The following EPHA6 variants were observed in gnomAD, a reference collection of about 807,000 sequenced individuals.
EPHA6 encodes the protein EPH receptor A6.
Under a neutral mutation model 112.0 loss-of-function variants are expected in EPHA6, and 50 were observed. The observed-to-expected ratio is 0.45, with a 90% CI of 0.36 to 0.56. The LOEUF (loss-of-function observed/expected upper bound fraction) is 0.56, where lower values mean the gene tolerates loss of function less well. EPHA6 is among the 20% of genes least tolerant of loss of function. EPHA6 has a pLI of 0.00. For synonymous variants in EPHA6, 529 were observed against 490.7 expected (o/e 1.08, Z -1.03); for missense variants, 1,280 against 1,417.4 (o/e 0.90, Z 1.56).
intron 4 of EPHA6, among the ~76,000 whole-genome samples, chr3:97,227,579 A>G (rs1433060101): frequency 6.6e-6 from 1 of 152,220 alleles, no homozygotes; most frequent in Non-Finnish European, 1.5e-5. Context: ...AGGCTGGGAA[A>G]TATAGCCTCT....
chr3:97,052,004 T>C (rs968985395), intron 3 of EPHA6, among the ~76,000 whole-genome samples: 2 of 152,170 alleles, frequency 1.3e-5, no homozygotes, highest in Admixed American at 1.3e-4. Flanking sequence ...TATTTCGTTA[T>C]CATTATGTGC....
intron 7 of EPHA6, among the ~76,000 whole-genome samples, chr3:97,472,892 G>A (rs949611565): frequency 6.6e-6 from 1 of 151,738 alleles, no homozygotes; most frequent in African/African-American, 2.4e-5. Flanking sequence ...CTTGGGCTTG[G>A]AGATCGGCAA....
At chr3:97,010,271 C>T (rs1027812415) in intron 3 of EPHA6, 1 of 386,178 alleles carries the variant, frequency 2.6e-6, no homozygotes, top group African/African-American at 2.1e-5. Flanking sequence ...AATTGGCAGA[C>T]CATAGCCTGA....
intron 1 of EPHA6, among the ~76,000 whole-genome samples, chr3:96,818,370 TAATTC>T (rs2032974297): frequency 6.6e-6 from 1 of 151,990 alleles, no homozygotes; most frequent in Non-Finnish European, 1.5e-5. Context: ...CATACTCAAA[TAATTC>T]AATTAAGTCA....
At chr3:97,710,208 G>C (rs2033895490) in intron 14 of EPHA6, among the ~76,000 whole-genome samples, 1 of 152,124 alleles carries the variant, frequency 6.6e-6, no homozygotes, top group African/African-American at 2.4e-5. Context: ...TCAGATGACT[G>C]TGCCCTCTTT....
chr3:96,844,314 T>C (rs754053697), intron 1 of EPHA6, among the ~76,000 whole-genome samples: 5 of 152,028 alleles, frequency 3.3e-5, no homozygotes, highest in Non-Finnish European at 7.4e-5. Flanking sequence ...TCAGTGATTG[T>C]GGTTTTCCCT....
intron 5 of EPHA6, among the ~76,000 whole-genome samples, chr3:97,363,683 C>G (rs13095695): frequency 6.6e-6 from 1 of 151,842 alleles, no homozygotes; most frequent in African/African-American, 2.4e-5. Flanking sequence ...AAAGCAGGGA[C>G]TTGAATGGTT....
chr3:97,598,820 A>G (rs1031093985), intron 12 of EPHA6, among the ~76,000 whole-genome samples: 1 of 152,054 alleles, frequency 6.6e-6, no homozygotes, highest in South Asian at 2.1e-4. Context: ...TTCTAGTTCT[A>G]GATCCCTGAA....
chr3:96,896,564 C>T (rs1362458316), intron 2 of EPHA6, among the ~76,000 whole-genome samples: 1 of 152,192 alleles, frequency 6.6e-6, no homozygotes, highest in Non-Finnish European at 1.5e-5. Flanking sequence ...AGCCACAAGT[C>T]TCAGCAAGCC....
chr3:97,686,025 A>G (rs2032223199), intron 14 of EPHA6, among the ~76,000 whole-genome samples: 1 of 152,160 alleles, frequency 6.6e-6, no homozygotes, highest in Non-Finnish European at 1.5e-5. Flanking sequence ...ATGATGAGTA[A>G]CTCAAGCAAG....
At chr3:97,601,397 G>C (rs2093642232) in intron 12 of EPHA6, among the ~76,000 whole-genome samples, 1 of 152,072 alleles carries the variant, frequency 6.6e-6, no homozygotes. Flanking sequence ...TTCCTCTCCA[G>C]AGAGCCATGT....
intron 16 of EPHA6, among the ~76,000 whole-genome samples, chr3:97,740,572 T>C (rs192304976): frequency 1.2e-4 from 18 of 152,262 alleles, no homozygotes; most frequent in Admixed American, 1.2e-3. Context: ...TATTAGTCTA[T>C]CTTGTAACTT....
At chr3:96,845,470 A>G (rs1480153060) in intron 1 of EPHA6, among the ~76,000 whole-genome samples, 1 of 151,816 alleles carries the variant, frequency 6.6e-6, no homozygotes, top group Non-Finnish European at 1.5e-5. Context: ...CTCGCTGCTG[A>G]TGTTGGTCTC....
intron 3 of EPHA6, among the ~76,000 whole-genome samples, chr3:97,183,814 T>C (rs1260307160): frequency 2.0e-5 from 3 of 152,090 alleles, no homozygotes; most frequent in African/African-American, 7.2e-5. Context: ...TCCTTTTTCA[T>C]TAAATTAACC....
chr3:97,506,181 G>C (rs1031785875), intron 10 of EPHA6, among the ~76,000 whole-genome samples: 14 of 152,232 alleles, frequency 9.2e-5, no homozygotes, highest in Admixed American at 2.6e-4. Context: ...ACACTCTTTA[G>C]TTTAATTAGA....
At chr3:97,229,328 T>A (rs1459047606) in intron 4 of EPHA6, among the ~76,000 whole-genome samples, 3 of 152,208 alleles carry the variant, frequency 2.0e-5, no homozygotes, top group Non-Finnish European at 4.4e-5. Context: ...TGATGTTATC[T>A]TCTAGAATTT....
intron 12 of EPHA6, among the ~76,000 whole-genome samples, chr3:97,601,144 T>C (rs1341830418): frequency 6.6e-6 from 1 of 152,142 alleles, no homozygotes; most frequent in Non-Finnish European, 1.5e-5. Context: ...CATGTTTTAT[T>C]ATTACAGATT....
At chr3:96,943,275 G>T (rs1191703991) in intron 2 of EPHA6, among the ~76,000 whole-genome samples, 1 of 151,898 alleles carries the variant, frequency 6.6e-6, no homozygotes, top group Non-Finnish European at 1.5e-5. Context: ...TAGAAGGGAG[G>T]ATTTTGTATG....
intron 2 of EPHA6, among the ~76,000 whole-genome samples, chr3:96,892,260 G>A (rs1056682641): frequency 4.6e-5 from 7 of 152,074 alleles, no homozygotes; most frequent in Non-Finnish European, 7.4e-5. Flanking sequence ...TTGCTCTGTC[G>A]CCCAGGCTGG....
Sources: allele counts gnomAD v4.1 joint callset (sites outside exome capture counted in the v4.1 genomes callset), GRCh38; gene constraint gnomAD v4.1.1; transcripts MANE v1.5; gene names NCBI Gene and HGNC (gene_info 2026-07-23, HGNC 2026-07-21).